Variants in DLGAP2 observed in about 807,000 individuals in gnomAD.
DLGAP2 encodes disks large-associated protein 2.
DLGAP2 carries 26 observed loss-of-function variants against 100.3 expected under a neutral mutation model. The observed-to-expected ratio is 0.26, with a 90% CI of 0.19 to 0.36. The LOEUF is 0.36. DLGAP2 is among the 10% of genes least tolerant of loss of function. The pLI is 1.00. For synonymous variants in DLGAP2, 886 were observed against 630.1 expected (o/e 1.41, Z -6.08); for missense variants, 1,858 against 1,453.2 (o/e 1.28, Z -4.53).
intron 5 of DLGAP2, among the ~76,000 whole-genome samples, chr8:1,557,742 C>T (rs535835474): frequency 4.6e-5 from 7 of 152,336 alleles, no homozygotes; most frequent in Admixed American, 2.0e-4. Flanking sequence ...CCGTCCTCTC[C>T]CCATGTCCTC....
intron 2 of DLGAP2, among the ~76,000 whole-genome samples, chr8:1,151,221 T>C (rs1479790513): frequency 6.6e-6 from 1 of 151,994 alleles, no homozygotes; most frequent in African/African-American, 2.4e-5. Flanking sequence ...TCAGCTGGAG[T>C]CTGCCAATTA....
intron 3 of DLGAP2, among the ~76,000 whole-genome samples, chr8:1,409,048 C>T (rs1386698908): frequency 6.6e-6 from 1 of 152,218 alleles, no homozygotes; most frequent in Admixed American, 6.5e-5. Context: ...AGAATGTGGA[C>T]CACTGCCCAA....
At chr8:1,359,538 A>T (rs1037690567) in intron 3 of DLGAP2, among the ~76,000 whole-genome samples, 2 of 152,206 alleles carry the variant, frequency 1.3e-5, no homozygotes. Context: ...GGACCACCCG[A>T]AGGCCTGGAG....
intron 1 of DLGAP2, among the ~76,000 whole-genome samples, chr8:904,116 C>T (rs968697312): frequency 2.0e-5 from 3 of 152,224 alleles, no homozygotes; most frequent in African/African-American, 7.2e-5. Flanking sequence ...TGTCTGACAT[C>T]CACTGCATAT....
intron 14 of DLGAP2, among the ~76,000 whole-genome samples, chr8:1,699,159 A>G (rs566604236): frequency 3.3e-5 from 5 of 152,340 alleles, no homozygotes; most frequent in Admixed American, 2.6e-4. Flanking sequence ...TTCTTTGGTC[A>G]TTGAGAGCAA....
chr8:1,106,373 T>G (rs1450631508), intron 2 of DLGAP2, among the ~76,000 whole-genome samples: 3 of 151,352 alleles, frequency 2.0e-5, no homozygotes, highest in Non-Finnish European at 4.4e-5. Context: ...TAGGAGGGTT[T>G]TCTATTGAGG....
intron 2 of DLGAP2, among the ~76,000 whole-genome samples, chr8:932,466 G>C (rs570305507): frequency 6.6e-6 from 1 of 152,322 alleles, no homozygotes; most frequent in South Asian, 2.1e-4. Context: ...GTTTTGTGCT[G>C]AGTTTTGTTT....
chr8:1,211,051 G>A (rs1415229741), intron 2 of DLGAP2, among the ~76,000 whole-genome samples: 6 of 152,328 alleles, frequency 3.9e-5, no homozygotes, highest in East Asian at 1.9e-4. Flanking sequence ...CGGCTCTTCC[G>A]CCAGCCTTGG....
At chr8:837,888 T>TG in intron 1 of DLGAP2, among the ~76,000 whole-genome samples, 1 of 130,420 alleles carries the variant, frequency 7.7e-6, no homozygotes, top group East Asian at 2.1e-4. Flanking sequence ...GGCTAGTTGT[T>TG]TTTTGTTTTT....
intron 1 of DLGAP2, among the ~76,000 whole-genome samples, chr8:882,814 C>G (rs992208033): frequency 3.3e-5 from 5 of 152,290 alleles, no homozygotes; most frequent in Admixed American, 6.5e-5. Context: ...GCATCTCTCC[C>G]TGGCGTCAGC....
intron 8 of DLGAP2, among the ~76,000 whole-genome samples, chr8:1,634,488 C>T (rs918729786): frequency 3.9e-5 from 6 of 152,176 alleles, no homozygotes; most frequent in Non-Finnish European, 1.5e-5. Context: ...CTCCTGTTTT[C>T]CTCTGGTTTG....
intron 4 of DLGAP2, among the ~76,000 whole-genome samples, chr8:1,519,914 C>A (rs118006819): frequency 6.6e-6 from 1 of 152,202 alleles, no homozygotes; most frequent in Admixed American, 6.5e-5. Context: ...AGGGGCGTGG[C>A]TGGGTTTGGG....
intron 2 of DLGAP2, among the ~76,000 whole-genome samples, chr8:1,197,007 A>T (rs1364997342): frequency 6.6e-6 from 1 of 152,078 alleles, no homozygotes; most frequent in African/African-American, 2.4e-5. Context: ...GAAGGCCTGA[A>T]AATCGGGGTG....
intron 3 of DLGAP2, among the ~76,000 whole-genome samples, chr8:1,370,114 G>T (rs148278409): frequency 6.6e-6 from 1 of 152,090 alleles, no homozygotes; most frequent in Non-Finnish European, 1.5e-5. Context: ...ACAGGTCTTC[G>T]GATATTTATG....
At chr8:1,036,926 C>T (rs1436798718) in intron 2 of DLGAP2, among the ~76,000 whole-genome samples, 3 of 152,120 alleles carry the variant, frequency 2.0e-5, no homozygotes, top group Admixed American at 6.5e-5. Flanking sequence ...GACCCCCTCC[C>T]GGCACAGTTC....
rs1216840948 is a variant in DLGAP2, at chr8:1,662,940, G to A, written c.1811-5389G>A. Among the ~76,000 whole-genome samples the A allele has an allele frequency of 3.3e-5, 5 of 149,770 alleles. No individual in the cohort carries two copies. In the East Asian group the frequency reaches 9.8e-4, roughly 29 times the overall value. ...TCTGTGTGTACACGTAGTGTGGGGT[G>A]TGTGTGTGTACACATGTGTGAGTGT... On this transcript the variant is annotated intron_variant, in intron 8 of 14. Coordinates refer to ENST00000637795, the MANE Select transcript of DLGAP2 (RefSeq NM_001346810.2).
At chr8:934,598 C>T (rs1193037757) in intron 2 of DLGAP2, among the ~76,000 whole-genome samples, 1 of 152,122 alleles carries the variant, frequency 6.6e-6, no homozygotes, top group Non-Finnish European at 1.5e-5. Flanking sequence ...TGCGAGGAGG[C>T]GTGTGACGTG....
chr8:1,344,973 C>G (rs969560905), intron 3 of DLGAP2, among the ~76,000 whole-genome samples: 2 of 152,206 alleles, frequency 1.3e-5, no homozygotes, highest in African/African-American at 4.8e-5. Flanking sequence ...GAGGGCTAGA[C>G]CGCCAGTTAA....
intron 2 of DLGAP2, among the ~76,000 whole-genome samples, chr8:1,227,791 G>C (rs1228842943): frequency 6.6e-6 from 1 of 152,096 alleles, no homozygotes; most frequent in African/African-American, 2.4e-5. Flanking sequence ...GGGTACAAAG[G>C]AGCAGATAAG....
Sources: gnomAD v4.1 joint callset for allele counts (sites outside exome capture counted in the v4.1 genomes callset) on GRCh38, gnomAD v4.1.1 for gene constraint, MANE v1.5 for transcripts, NCBI Gene and HGNC (gene_info 2026-07-23, HGNC 2026-07-21) for gene names.